SHROOM3: variants seen among roughly 807,000 people sequenced by gnomAD.
The protein encoded by SHROOM3 is protein Shroom3.
In SHROOM3, 47 loss-of-function variants were observed where a neutral mutation model predicts 138.6. The observed-to-expected ratio is 0.34, with a 90% confidence interval of 0.27 to 0.43. The LOEUF (loss-of-function observed/expected upper bound fraction) is 0.43, where lower values mean the gene tolerates loss of function less well. Ranked by LOEUF, SHROOM3 falls within the 20% of genes least tolerant of loss-of-function variation. The probability of loss-of-function intolerance (pLI) is 1.00; values close to 1 mark genes in which losing one functional copy is unlikely to be tolerated. For missense variants in SHROOM3, 2,491 were observed against 2,596.5 expected, an observed-to-expected ratio of 0.96 and a Z score of 0.88; for synonymous variants, 1,062 against 1,063.3, an observed-to-expected ratio of 1.00 and a Z score of 0.02.
At chr4:76,535,736 G>C (rs1292636061) in intron 1 of SHROOM3, among the ~76,000 whole-genome samples, 1 of 152,230 alleles carries the variant, frequency 6.6e-6, no homozygotes, top group Non-Finnish European at 1.5e-5. Context: ...AAAATAAGCA[G>C]GGAGTTTGGC....
At chr4:76,501,795 C>T (rs955687367) in intron 1 of SHROOM3, among the ~76,000 whole-genome samples, 4 of 152,148 alleles carry the variant, frequency 2.6e-5, no homozygotes, top group Non-Finnish European at 5.9e-5. Context: ...GGGTGGTATA[C>T]CCCAACTTCA....
chr4:76,458,054 AG>A (rs1205502969), intron 1 of SHROOM3, among the ~76,000 whole-genome samples: 1 of 152,192 alleles, frequency 6.6e-6, no homozygotes, highest in African/African-American at 2.4e-5. Flanking sequence ...GGGCCTCCCC[AG>A]GTGCTGGGAT....
chr4:76,741,271 A>G lies in SHROOM3; in HGVS notation c.3098A>G (p.Glu1033Gly). The G allele has an allele frequency of 6.2e-7, 1 of 1,611,968 alleles. No homozygotes were observed. The change falls in exon 5 of 11, where the codon GAG (glutamate) becomes GGG (glycine). Residue 1033 changes from glutamate (E) to glycine (G), a missense_variant. This residue lies in a region of SHROOM3 where 1,733 missense variants were observed against 1,661.6 expected (regional missense o/e 1.04). Transcript: ENST00000296043. This position sits in a 1 kb window ranked among gnomAD's most constrained non-coding sequence, Gnocchi z 6.2. ...PEKMNEVGIVEEAEPAPLGPQ... is the reference protein window; with the variant it reads ...PEKMNEVGIVGEAEPAPLGPQ... ...AAGATGAACGAGGTGGGGATCGTGG[A>G]GGAGGCCGAACCGGCACCCCTGGGC...
intron 1 of SHROOM3, among the ~76,000 whole-genome samples, chr4:76,517,890 C>T (rs879713358): frequency 3.3e-5 from 5 of 152,146 alleles, no homozygotes; most frequent in Admixed American, 6.5e-5. Context: ...CTCCCGGTAG[C>T]CTCACCGGGA....
intron 2 of SHROOM3, among the ~76,000 whole-genome samples, chr4:76,576,031 C>A (rs1304272315): frequency 6.6e-6 from 1 of 152,136 alleles, no homozygotes; most frequent in East Asian, 1.9e-4. Flanking sequence ...GAAAAGGGAA[C>A]CCTCGTACAG....
intron 1 of SHROOM3, among the ~76,000 whole-genome samples, chr4:76,446,340 A>C (rs1470302383): frequency 1.3e-5 from 2 of 151,874 alleles, no homozygotes; most frequent in Non-Finnish European, 2.9e-5. Flanking sequence ...AAAAAAAAAA[A>C]AAGTGGAATG....
rs1318596930 is a variant in SHROOM3, at chr4:76,740,817, G to A, written c.2644G>A (p.Asp882Asn). 4.4e-6 allele frequency: 7 copies of A among 1,604,386 alleles called. No homozygotes were observed. The highest frequency in any genetic ancestry group is 1.7e-4 in the Middle Eastern group (1 of 5,896). The change falls in exon 5 of 11, where the codon GAC (aspartate) becomes AAC (asparagine). Residue 882 changes from aspartate (D) to asparagine (N), a missense_variant. By Grantham distance (23) the Asp-to-Asn change is conservative. Coordinates refer to ENST00000296043, the MANE Select transcript of SHROOM3 (RefSeq NM_020859.4). This position sits in a 1 kb window ranked among gnomAD's most constrained non-coding sequence, Gnocchi z 4.0. ...SDSGRGPQRP[D>N]ARLLRSQSTF... ...CAGCGGCCGTGGCCCCCAGAGGCCGGACGCTCGGCTCCTCCGTAGCCAGAG... is the reference window on the plus strand; with the variant it reads ...CAGCGGCCGTGGCCCCCAGAGGCCGAACGCTCGGCTCCTCCGTAGCCAGAG...
At chr4:76,717,724 A>G (rs930765675) in intron 3 of SHROOM3, among the ~76,000 whole-genome samples, 8 of 152,042 alleles carry the variant, frequency 5.3e-5, no homozygotes, top group African/African-American at 1.9e-4. Flanking sequence ...TTTTAAGTCT[A>G]TTTTTTAAAA....
intron 1 of SHROOM3, among the ~76,000 whole-genome samples, chr4:76,494,047 G>A (rs572785912): frequency 5.9e-5 from 9 of 151,992 alleles, no homozygotes; most frequent in Non-Finnish European, 1.2e-4. Context: ...TCCTTTTTAC[G>A]GTCCTTGTTC....
intron 2 of SHROOM3, among the ~76,000 whole-genome samples, chr4:76,626,953 C>T (rs767846044): frequency 1.2e-4 from 18 of 152,168 alleles, no homozygotes; most frequent in Non-Finnish European, 2.5e-4. Context: ...CTTGAATTCA[C>T]GCCCACAGAC....
At chr4:76,484,754 A>G (rs1048161323) in intron 1 of SHROOM3, among the ~76,000 whole-genome samples, 1 of 152,206 alleles carries the variant, frequency 6.6e-6, no homozygotes, top group Non-Finnish European at 1.5e-5. Context: ...GCAAAAAAGT[A>G]AGAGGATTGT....
chr4:76,617,808 T>C (rs1734914714), intron 2 of SHROOM3, among the ~76,000 whole-genome samples: 1 of 152,238 alleles, frequency 6.6e-6, no homozygotes, highest in Non-Finnish European at 1.5e-5. Context: ...GGTACCTGGA[T>C]AGTCCTGTAA....
At chr4:76,619,934 T>C (rs1229047632) in intron 2 of SHROOM3, among the ~76,000 whole-genome samples, 1 of 151,904 alleles carries the variant, frequency 6.6e-6, no homozygotes, top group Non-Finnish European at 1.5e-5. Context: ...TGGTGGCACA[T>C]GCCTGTAATC....
intron 2 of SHROOM3, among the ~76,000 whole-genome samples, chr4:76,691,251 A>G (rs1260609272): frequency 3.3e-5 from 5 of 152,230 alleles, no homozygotes; most frequent in Non-Finnish European, 7.3e-5. Flanking sequence ...GGAGATTTTA[A>G]GAATAGGATA....
intron 2 of SHROOM3, among the ~76,000 whole-genome samples, chr4:76,636,583 T>C (rs554948793): frequency 1.3e-5 from 2 of 152,312 alleles, no homozygotes; most frequent in South Asian, 2.1e-4. Flanking sequence ...GGAAAAAAAA[T>C]TGATTTCCAG....
intron 2 of SHROOM3, among the ~76,000 whole-genome samples, chr4:76,565,414 A>G (rs968066662): frequency 3.3e-5 from 5 of 152,194 alleles, no homozygotes; most frequent in African/African-American, 9.6e-5. Flanking sequence ...ACACATTGGA[A>G]TTACCAAGGG....
intron 2 of SHROOM3, among the ~76,000 whole-genome samples, chr4:76,585,710 A>T (rs1182368869): frequency 6.6e-6 from 1 of 152,016 alleles, no homozygotes; most frequent in Non-Finnish European, 1.5e-5. Flanking sequence ...ATTATAAATG[A>T]TCTATTTTTA....
intron 1 of SHROOM3, among the ~76,000 whole-genome samples, chr4:76,480,548 A>G (rs572443919): frequency 6.6e-6 from 1 of 152,316 alleles, no homozygotes; most frequent in African/African-American, 2.4e-5. Context: ...GGGAGACTTT[A>G]ACACCCCACT....
chr4:76,547,932 AACACACAC>A (rs57089323), intron 1 of SHROOM3, among the ~76,000 whole-genome samples: 4 of 146,186 alleles, frequency 2.7e-5, no homozygotes, highest in South Asian at 2.2e-4. Flanking sequence ...CCTGTCTCAA[AACACACAC>A]ACACACACAC....
Sources: gnomAD v4.1 joint callset for allele counts (sites outside exome capture counted in the v4.1 genomes callset) on GRCh38, gnomAD v4.1.1 for gene constraint, gnomAD v4.1.1 regional missense constraint, Gnocchi (gnomAD v3.1) non-coding constraint, MANE v1.5 for transcripts, NCBI Gene and HGNC (gene_info 2026-07-23, HGNC 2026-07-21) for gene names.